PLP2: variants seen among roughly 807,000 people sequenced by gnomAD.
PLP2 encodes the protein proteolipid protein 2, also known as A4 differentiation-dependent protein.
In PLP2, 8 loss-of-function variants were observed where a neutral mutation model predicts 11.4. That is an observed-to-expected ratio of 0.70 (90% CI 0.41 to 1.27). The LOEUF (loss-of-function observed/expected upper bound fraction) is 1.27. Among genes scored for constraint, PLP2 ranks in the 50% most tolerant of loss-of-function variants. The pLI, the probability that PLP2 is intolerant of heterozygous loss-of-function variation, is 0.01. For synonymous variants in PLP2, 50 were observed against 53.2 expected (o/e 0.94, Z 0.26); for missense variants, 127 against 123.5 (o/e 1.03, Z -0.14).
chrX:49,175,012 C>A lies in PLP2; in HGVS notation c.*318C>A, dbSNP rs2147869266. On this transcript the variant is annotated 3_prime_UTR_variant, in exon 5 of 5. Coordinates refer to ENST00000376327, the MANE Select transcript of PLP2 (RefSeq NM_002668.3). ...TCAGAGTCCAGGCCCTAGGTTGGGACCCACTCCAAATAATCTCCTCGGTGT... is the reference window on the plus strand; with the variant it reads ...TCAGAGTCCAGGCCCTAGGTTGGGAACCACTCCAAATAATCTCCTCGGTGT... 4.9e-6 allele frequency: 2 copies of A among 404,718 alleles called. No homozygotes were observed. The highest frequency in any genetic ancestry group is 8.1e-5 in the East Asian group (2 of 24,580). 33.4% of individuals were successfully genotyped at this position (404,718 alleles called of 1,213,427 possible). A position where few individuals can be genotyped will look rare whatever the true frequency, so the allele number is the denominator to read the frequency against.
rs1557099247 is a variant in PLP2, at chrX:49,171,994, C to T, written c.-7C>T. ...CCTCCGAGGCACCAGGGACTCCAGCCCATGCCATGGCGGATTCTGAGCGCC... is the reference window on the plus strand; with the variant it reads ...CCTCCGAGGCACCAGGGACTCCAGCTCATGCCATGGCGGATTCTGAGCGCC... On this transcript the variant is annotated 5_prime_UTR_variant, in exon 1 of 5. Coordinates refer to ENST00000376327, the MANE Select transcript of PLP2 (RefSeq NM_002668.3). 2 of 1,176,248 alleles carry T rather than the reference C, an allele frequency of 1.7e-6. No individual in the cohort carries two copies. The highest frequency in any genetic ancestry group is 3.6e-5 in the South Asian group (2 of 55,538).
intron 3 of PLP2, 29 bp downstream of exon 3, chrX:49,173,512 A>G (rs782159020): frequency 1.7e-6 from 2 of 1,211,740 alleles, no homozygotes; most frequent in Non-Finnish European, 2.2e-6. Flanking sequence ...GCTCTGAAGC[A>G]CAGAGCGAAG....
intron 3 of PLP2, 65 bp downstream of exon 3, chrX:49,173,548 T>C: frequency 8.3e-7 from 1 of 1,206,979 alleles, no homozygotes; most frequent in Non-Finnish European, 1.1e-6. Flanking sequence ...GGACCATTTC[T>C]GCCTTTGCTT....
In PLP2 at chrX:49,173,368, C is replaced by T. The variant is rs1392487922; in HGVS notation, c.250-20C>T. 3.0e-5 allele frequency: 36 copies of T among 1,206,150 alleles called. No homozygotes were observed. The highest frequency in any genetic ancestry group is 3.6e-5 in the Non-Finnish European group (32 of 891,945). On this transcript the variant is annotated intron_variant, in intron 2 of 4. Transcript: ENST00000376327. ...AACTGTGGTTGCTGACTTCCCTCTT[C>T]TCCTCCCTACACCTCACAGGATTTC...
chrX:49,174,097 GA>G (rs2065402201), intron 3 of PLP2, among the ~76,000 whole-genome samples: 1 of 110,717 alleles, frequency 9.0e-6, no homozygotes, highest in Non-Finnish European at 1.9e-5. Context: ...AAAAAAGTAT[GA>G]CTTGAATTGT....
intron 1 of PLP2, among the ~76,000 whole-genome samples, 199 bp from the exon 2 acceptor site, chrX:49,172,930 A>T (rs1402603946): frequency 8.9e-6 from 1 of 112,642 alleles, no homozygotes; most frequent in African/African-American, 3.2e-5. Context: ...AATTAGAAAG[A>T]GTAATAATAG....
chrX:49,172,335 A>C (rs782212040), intron 1 of PLP2, among the ~76,000 whole-genome samples: 1 of 110,730 alleles, frequency 9.0e-6, no homozygotes, highest in East Asian at 2.9e-4. Context: ...ACGCATACGG[A>C]GGGCTACGTG....
rs782624998 is a variant in PLP2, at chrX:49,173,203, G to T, written c.171G>T (p.Met57Ile). ...PGYSSLSVIE[M>I]ILAAIFFVVY... is the part of the protein sequence containing the mutation. Reference sequence around the variant, plus strand: ...ACTCCTCCCTGTCGGTGATTGAGATGATCCTTGCTGCTATTTTCTTTGTTG... The same window carrying T: ...ACTCCTCCCTGTCGGTGATTGAGATTATCCTTGCTGCTATTTTCTTTGTTG... The change falls in exon 2 of 5, where the codon ATG becomes ATT. Residue 57 changes from methionine (M) to isoleucine (I), a missense_variant. Transcript: ENST00000376327. 8.3e-7 allele frequency: 1 copy of T among 1,209,136 alleles called. No individual in the cohort carries two copies. Among genetic ancestry groups the T allele is most frequent in the Non-Finnish European group, 1.1e-6 (1 of 893,418 alleles).
intron 1 of PLP2, among the ~76,000 whole-genome samples, chrX:49,172,651 C>T (rs1557099331): frequency 8.9e-6 from 1 of 112,640 alleles, no homozygotes; most frequent in Non-Finnish European, 1.9e-5. Flanking sequence ...AAAAGGGGTG[C>T]GGCGCCTTTA....
In PLP2 at chrX:49,174,938, A is replaced by ACC; in HGVS notation, c.*245_*246dup. The ACC allele has an allele frequency of 2.3e-6, 1 of 444,046 alleles. No homozygotes were observed. Among genetic ancestry groups the ACC allele is most frequent in the Non-Finnish European group, 4.0e-6 (1 of 251,164 alleles). 36.6% of individuals were successfully genotyped at this position (444,046 alleles called of 1,213,427 possible). A position where few individuals can be genotyped will look rare whatever the true frequency, so the allele number is the denominator to read the frequency against. On this transcript the variant is annotated 3_prime_UTR_variant, in exon 5 of 5. Coordinates refer to ENST00000376327, the MANE Select transcript of PLP2 (RefSeq NM_002668.3). ...AATAGGAGACACCAGTTCTGACTGA[A>ACC]CCATGCCCCCACCTAAGTCACAAAA...
rs1276699824 is a variant in PLP2 at position 49,175,060 on chromosome X, T to C, written c.*366T>C. ...TGTGGGTGGTGGTTCTATAGAGGGA[T>C]AAATGAATAATAAACATTGTTAAAA... is the stretch of plus-strand genomic sequence containing the variant. On this transcript the variant is annotated 3_prime_UTR_variant, in exon 5 of 5. Coordinates refer to ENST00000376327, the MANE Select transcript of PLP2 (RefSeq NM_002668.3). The C allele has an allele frequency of 2.2e-4, 70 of 321,054 alleles. No homozygotes were observed. The highest frequency in any genetic ancestry group is 3.7e-4 in the Non-Finnish European group (68 of 183,655). 26.5% of individuals were successfully genotyped at this position (321,054 alleles called of 1,213,427 possible). A position where few individuals can be genotyped will look rare whatever the true frequency, so the allele number is the denominator to read the frequency against.
In PLP2 at chrX:49,173,251, C is replaced by A; in HGVS notation, c.219C>A (p.Thr73=). Residue 73 remains threonine, a synonymous_variant, in exon 2 of 5, where the codon ACC becomes ACA. Coordinates refer to ENST00000376327, the MANE Select transcript of PLP2 (RefSeq NM_002668.3). ...TTGTCTACATGTGTGACCTGCACAC[C>A]AAGATACCATTCATCAACTGGCCCT... The part of the protein sequence containing the change: ...FFVVYMCDLH[T]KIPFINWPWS... 2.5e-6 allele frequency: 3 copies of A among 1,211,000 alleles called. No homozygotes were observed. Among genetic ancestry groups the A allele is most frequent in the Non-Finnish European group, 3.4e-6 (3 of 894,890 alleles).
chrX:49,172,329 A>G (rs1317750439), intron 1 of PLP2, among the ~76,000 whole-genome samples: 2 of 110,989 alleles, frequency 1.8e-5, no homozygotes, highest in Non-Finnish European at 3.8e-5. Context: ...CCTATAACGC[A>G]TACGGAGGGC....
Position 49,174,786 on chromosome X carries a change from C to A in PLP2, c.*92C>A. The A allele has an allele frequency of 2.7e-6, 2 of 753,898 alleles. No homozygotes were observed. Among genetic ancestry groups the A allele is most frequent in the Non-Finnish European group, 4.1e-6 (2 of 489,493 alleles). The allele number at this position is 753,898 out of a possible 1,213,427, so 62.1% of individuals were successfully genotyped here. ...CCCAACAACAACATTCCCAGCAGAC[C>A]AACTCCCACCCCCTCTTTGAGGTAA... is the stretch of plus-strand genomic sequence containing the variant. On this transcript the variant is annotated 3_prime_UTR_variant, in exon 5 of 5. Transcript: ENST00000376327.
In PLP2 at chrX:49,174,553, C is replaced by G. The variant is rs193087651; in HGVS notation, c.437-119C>G. The G allele has an allele frequency of 1.0e-4, 91 of 867,701 alleles. No individual in the cohort carries two copies. In the African/African-American group the frequency reaches 1.4e-3, roughly 13 times the overall value. 71.5% of individuals were successfully genotyped at this position (867,701 alleles called of 1,213,427 possible). On this transcript the variant is annotated intron_variant, in intron 4 of 4. Coordinates refer to ENST00000376327, the MANE Select transcript of PLP2 (RefSeq NM_002668.3). ...GTATTGGTACTTAGGGCTTTTGTAC[C>G]AATAGGTACCATAAGCTTCGGTATT...
Position 49,173,378 on chromosome X carries a change from C to T in PLP2, c.250-10C>T, listed in dbSNP as rs1557099444. The T allele has an allele frequency of 1.7e-6, 2 of 1,209,955 alleles. No homozygotes were observed. Among genetic ancestry groups the T allele is most frequent in the Admixed American group, 2.2e-5 (1 of 46,007 alleles). ...GCTGACTTCCCTCTTCTCCTCCCTA[C>T]ACCTCACAGGATTTCTTCCGAACCC... On this transcript the variant is annotated splice_polypyrimidine_tract_variant and intron_variant, in intron 2 of 4. Coordinates refer to ENST00000376327, the MANE Select transcript of PLP2 (RefSeq NM_002668.3).
chrX:49,174,302 T>C (rs1388169354), intron 3 of PLP2, 33 bp from the exon 4 acceptor site: 1 of 1,073,885 alleles, frequency 9.3e-7, no homozygotes, highest in Non-Finnish European at 1.3e-6. Context: ...GACCAGCTAA[T>C]CTAAACCCCC....
intron 2 of PLP2, 49 bp downstream of exon 2, chrX:49,173,330 A>G (rs2065398811): frequency 1.7e-6 from 2 of 1,206,621 alleles, no homozygotes; most frequent in South Asian, 1.8e-5. Flanking sequence ...CTGGGCAGTT[A>G]GGATTGTCGG....
intron 1 of PLP2, among the ~76,000 whole-genome samples, chrX:49,172,381 G>A (rs2065395696): frequency 9.0e-6 from 1 of 111,452 alleles, no homozygotes. Flanking sequence ...TGGACGCATC[G>A]AAGGGGTCCC....
Sources: allele counts gnomAD v4.1 joint callset (sites outside exome capture counted in the v4.1 genomes callset), GRCh38; gene constraint gnomAD v4.1.1; transcripts MANE v1.5; gene names NCBI Gene and HGNC (gene_info 2026-07-23, HGNC 2026-07-21).